Variants in AKR1C4 observed in about 807,000 individuals in gnomAD.
The protein encoded by AKR1C4 is 3-alpha-HSD1.
AKR1C4 carries 44 observed loss-of-function variants against 41.0 expected under a neutral mutation model. That is an observed-to-expected ratio of 1.07 (90% CI 0.84 to 1.38). The LOEUF (loss-of-function observed/expected upper bound fraction) is 1.38. AKR1C4 is among the 40% of genes most tolerant of loss of function. AKR1C4 has a pLI of 0.00. For missense variants in AKR1C4, 438 were observed against 387.9 expected (o/e 1.13, Z -1.09); for synonymous variants, 165 against 137.7 (o/e 1.20, Z -1.39).
chr10:5,214,698 T>A (rs1832629837), intron 7 of AKR1C4, among the ~76,000 whole-genome samples: 1 of 152,214 alleles, frequency 6.6e-6, no homozygotes, highest in Non-Finnish European at 1.5e-5. Context: ...TTGAGAATTT[T>A]CTAATCTATG....
At chr10:5,199,876 A>T (rs1832370066) in intron 1 of AKR1C4, among the ~76,000 whole-genome samples, 1 of 152,196 alleles carries the variant, frequency 6.6e-6, no homozygotes, top group Non-Finnish European at 1.5e-5. Context: ...TAGAGGGTCT[A>T]ATTGAGCTGG....
At chr10:5,199,928 T>C (rs1205274589) in intron 1 of AKR1C4, among the ~76,000 whole-genome samples, 2 of 152,104 alleles carry the variant, frequency 1.3e-5, no homozygotes, top group Non-Finnish European at 2.9e-5. Context: ...AGAACAAAAC[T>C]AAAAGAGCAC....
At chr10:5,205,703 G>A in intron 3 of AKR1C4, 54 bp from the exon 4 acceptor site, 1 of 1,476,464 alleles carries the variant, frequency 6.8e-7, no homozygotes, top group Admixed American at 1.7e-5. Context: ...ATGGGAGCAT[G>A]CCTATGGGTG....
rs1312117646 is a variant in AKR1C4 at position 5,197,012 on chromosome 10, T to C, written c.84+61T>C. ...GAGCAAAGCTAGAATAAGTGAACGA[T>C]GACCTGGGTTGTTCAGCTTTGTGTT... On this transcript the variant is annotated intron_variant, in intron 1 of 8. Coordinates refer to ENST00000263126, the MANE Select transcript of AKR1C4 (RefSeq NM_001818.5). The C allele has an allele frequency of 2.0e-6, 3 of 1,526,614 alleles. No homozygotes were observed. In the Admixed American group the frequency reaches 5.0e-5, roughly 26 times the overall value. The allele number at this position is 1,526,614 out of a possible 1,614,324, so 94.6% of individuals were successfully genotyped here.
At position 5,216,699 on chromosome 10, in the gene AKR1C4, C is replaced by G. The variant is rs558920470; in HGVS notation, c.847-12C>G. The G allele has an allele frequency of 2.3e-5, 36 of 1,597,050 alleles. No individual in the cohort carries two copies. The South Asian group carries it at 3.8e-4, about 17-fold the overall frequency. On this transcript the variant is annotated splice_polypyrimidine_tract_variant and intron_variant, in intron 7 of 8. Coordinates refer to ENST00000263126, the MANE Select transcript of AKR1C4 (RefSeq NM_001818.5). ...GCAATCTAAGAATAAACATTTTCTA[C>G]TTCTTTGGTAGGTTTTTGAATTCCA...
At chr10:5,200,420 T>A (rs1350539457) in intron 2 of AKR1C4, 72 bp downstream of exon 2, 2 of 1,527,630 alleles carry the variant, frequency 1.3e-6, no homozygotes, top group African/African-American at 2.7e-5. Context: ...ATTCTGTAAC[T>A]GGTTCAGTAG....
intron 3 of AKR1C4, among the ~76,000 whole-genome samples, chr10:5,205,541 G>A (rs1326098581): frequency 6.6e-6 from 1 of 152,100 alleles, no homozygotes; most frequent in Non-Finnish European, 1.5e-5. Context: ...CTGTAAAATG[G>A]TTATTAATAT....
At chr10:5,200,481 T>A in intron 2 of AKR1C4, 133 bp downstream of exon 2, 1 of 1,397,070 alleles carries the variant, frequency 7.2e-7, no homozygotes, top group Non-Finnish European at 9.4e-7. Context: ...CATATTCAGG[T>A]ATTAAAGCTA....
chr10:5,204,547 A>G (rs1832454652), intron 3 of AKR1C4, 54 bp downstream of exon 3: 2 of 1,328,112 alleles, frequency 1.5e-6, no homozygotes. Flanking sequence ...ACCATCCTTT[A>G]TGATGGTTGA....
chr10:5,206,419 T>G (rs1554797498), intron 5 of AKR1C4, 22 bp downstream of exon 5: 1 of 1,613,730 alleles, frequency 6.2e-7, no homozygotes, highest in African/African-American at 1.3e-5. Context: ...CAGCCTCCTC[T>G]CCTTTCTCTT....
At chr10:5,216,216 T>C (rs541106726) in intron 7 of AKR1C4, among the ~76,000 whole-genome samples, 1 of 152,288 alleles carries the variant, frequency 6.6e-6, no homozygotes, top group East Asian at 1.9e-4. Context: ...ACTAATGCAG[T>C]GAACACTCAT....
chr10:5,200,292 C>T lies in AKR1C4; in HGVS notation c.196C>T (p.Arg66Ter), dbSNP rs191144263. ...TGAGGAGCAGGTTGGACTGGCCATC[C>T]GAAGCAAGATTGCAGATGGCAGTGT... ...NNEEQVGLAI[R>*]SKIADGSVKR... The change falls in exon 2 of 9, where the codon CGA (arginine) becomes TGA (stop). Residue 66 changes from arginine (R) to a stop codon, truncating the protein, a stop_gained. Coordinates refer to ENST00000263126, the MANE Select transcript of AKR1C4 (RefSeq NM_001818.5). LOFTEE classifies it high-confidence loss of function. 19 of 1,614,090 alleles carry T rather than the reference C, an allele frequency of 1.2e-5. No homozygotes were observed. In the Admixed American group the frequency reaches 2.3e-4, roughly 20 times the overall value.
rs1486401261 is a variant in AKR1C4, at chr10:5,207,784, T to A, written c.570+1387T>A. The A allele has an allele frequency of 1.4e-5, 5 of 357,778 alleles. No individual in the cohort carries two copies. In the East Asian group the frequency reaches 3.4e-4, roughly 25 times the overall value. The allele number at this position is 357,778 out of a possible 1,614,324, so 22.2% of individuals were successfully genotyped here. A position where few individuals can be genotyped will look rare whatever the true frequency, so the allele number is the denominator to read the frequency against. On this transcript the variant is annotated intron_variant, in intron 5 of 8. Coordinates refer to ENST00000263126, the MANE Select transcript of AKR1C4 (RefSeq NM_001818.5). Reference sequence around the variant, plus strand: ...TTTTCTATATATGTAGAATAGATTTTCTCTGGTCTGATTTTGACAAATGCA... The same window carrying A: ...TTTTCTATATATGTAGAATAGATTTACTCTGGTCTGATTTTGACAAATGCA...
chr10:5,198,373 C>T (rs1208181039), intron 1 of AKR1C4, among the ~76,000 whole-genome samples: 1 of 152,142 alleles, frequency 6.6e-6, no homozygotes, highest in African/African-American at 2.4e-5. Context: ...AGTTGAATTT[C>T]TCACCCCTTC....
intron 8 of AKR1C4, 131 bp downstream of exon 8, chr10:5,216,924 G>T: frequency 1.6e-6 from 1 of 622,326 alleles, no homozygotes; most frequent in Non-Finnish European, 2.8e-6. Flanking sequence ...GAACTCTCTG[G>T]AACTCTCCTT....
At chr10:5,213,389 C>A (rs1357391007) in intron 7 of AKR1C4, among the ~76,000 whole-genome samples, 7 of 152,106 alleles carry the variant, frequency 4.6e-5, no homozygotes, top group African/African-American at 1.7e-4. Context: ...ATAAAGTTGG[C>A]AACTTAACTC....
chr10:5,214,939 G>A (rs1420088305), intron 7 of AKR1C4, among the ~76,000 whole-genome samples: 2 of 152,126 alleles, frequency 1.3e-5, no homozygotes, highest in South Asian at 2.1e-4. Flanking sequence ...TGAGCATGAT[G>A]TTATTAGGAT....
rs1554798127 is a variant in AKR1C4 at position 5,213,121 on chromosome 10, A to G, written c.808A>G (p.Lys270Glu). Residue 270 changes from lysine (K) to glutamate (E), a missense_variant, in exon 7 of 9, where the codon AAG (lysine) becomes GAG (glutamate). Physicochemically the swap from Lys to Glu is moderately conservative, Grantham distance 56. Coordinates refer to ENST00000263126, the MANE Select transcript of AKR1C4 (RefSeq NM_001818.5). ...GCAGCGTGGGGTTGTGGTCCTGGCC[A>G]AGAGCTACAATGAGCAGCGGATCAG... ...QLQRGVVVLA[K>E]SYNEQRIREN... is the part of the protein sequence containing the mutation. 1 of 1,614,138 alleles carries G rather than the reference A, an allele frequency of 6.2e-7. No homozygotes were observed. Among genetic ancestry groups the G allele is most frequent in the Admixed American group, 1.7e-5 (1 of 60,026 alleles).
intron 2 of AKR1C4, among the ~76,000 whole-genome samples, chr10:5,201,592 A>G (rs1170270875): frequency 6.6e-6 from 1 of 152,116 alleles, no homozygotes; most frequent in Non-Finnish European, 1.5e-5. Flanking sequence ...GCTGTGCAGA[A>G]TCTTTTTAGT....
Sources: allele counts gnomAD v4.1 joint callset (sites outside exome capture counted in the v4.1 genomes callset), GRCh38; gene constraint gnomAD v4.1.1; transcripts MANE v1.5; gene names NCBI Gene and HGNC (gene_info 2026-07-23, HGNC 2026-07-21).